STK3: variants seen among roughly 807,000 people sequenced by gnomAD.
The protein encoded by STK3 is serine/threonine kinase 3.
In STK3, 41 loss-of-function variants were observed where a neutral mutation model predicts 58.0. The observed-to-expected ratio is 0.71, with a 90% CI of 0.55 to 0.92. STK3 has a LOEUF of 0.92. STK3 is among the 40% of genes least tolerant of loss of function. The probability of loss-of-function intolerance (pLI) is 0.00; values close to 1 mark genes in which losing one functional copy is unlikely to be tolerated. For missense variants in STK3, 479 were observed against 602.7 expected, an observed-to-expected ratio of 0.79 and a Z score of 2.15; for synonymous variants, 170 against 191.0, an observed-to-expected ratio of 0.89 and a Z score of 0.91.
upstream of STK3, among the ~76,000 whole-genome samples, chr8:98,390,648 C>T (rs1277407514): frequency 6.6e-6 from 1 of 151,666 alleles, no homozygotes; most frequent in African/African-American, 2.4e-5. Flanking sequence ...TGCACTTTGT[C>T]TCCTTCCTTT....
chr8:98,861,912 G>C (rs1219665361), intron 3 of STK3, among the ~76,000 whole-genome samples: 3 of 152,172 alleles, frequency 2.0e-5, no homozygotes, highest in African/African-American at 7.2e-5. Context: ...TGAAGTCCCA[G>C]TTTCCTCATC....
chr8:98,595,491 G>C (rs1319449693), intron 7 of STK3: 1 of 151,806 alleles, frequency 6.6e-6, no homozygotes, highest in East Asian at 1.9e-4. Context: ...TTCTGTTGGG[G>C]AAATTAAGAT....
At chr8:98,488,882 G>A (rs1822483328) in intron 10 of STK3, among the ~76,000 whole-genome samples, 1 of 152,144 alleles carries the variant, frequency 6.6e-6, no homozygotes, top group Non-Finnish European at 1.5e-5. Context: ...GCAACTACAT[G>A]TAGCCCTATG....
At chr8:98,715,924 C>T (rs574614848) in intron 4 of STK3, among the ~76,000 whole-genome samples, 40 of 152,190 alleles carry the variant, frequency 2.6e-4, no homozygotes, top group Admixed American at 1.3e-3. Flanking sequence ...AAATGTGGCG[C>T]ATATACACCA....
At chr8:98,799,261 A>G (rs1483667477) in intron 1 of STK3, among the ~76,000 whole-genome samples, 1 of 152,104 alleles carries the variant, frequency 6.6e-6, no homozygotes, top group Non-Finnish European at 1.5e-5. Context: ...ACCCAAAGTG[A>G]CGGCAGTCTT....
intron 4 of STK3, among the ~76,000 whole-genome samples, chr8:98,711,573 A>C (rs1231782084): frequency 1.3e-5 from 2 of 152,316 alleles, no homozygotes; most frequent in East Asian, 3.9e-4. Context: ...GTGAGAAGAG[A>C]AGTTTAGAGA....
At chr8:98,484,082 C>CTTAAAGACTTAATACTAAGTCTTTAAGTA (rs60867682) in intron 10 of STK3, among the ~76,000 whole-genome samples, 51,384 of 141,298 alleles carry the variant, frequency 0.36, 9,948 homozygotes, top group Admixed American at 0.49. Flanking sequence ...GCCACCATGA[C>CTTAAAGACTTAATACTAAGTCTTTAAGTA]TTAAAGACTT....
At position 98,689,234 on chromosome 8, in the gene STK3, C is replaced by A. The variant is rs575950201; in HGVS notation, c.684+17233G>T. Among the ~76,000 whole-genome samples the A allele has an allele frequency of 7.1e-4, 108 of 152,118 alleles. 1 individual carries two copies. The highest frequency in any genetic ancestry group is 2.6e-3 in the African/African-American group (107 of 41,514). On this transcript the variant is annotated intron_variant, in intron 6 of 10. Coordinates refer to ENST00000419617, the MANE Select transcript of STK3 (RefSeq NM_006281.4). ...GAAACAGAAATCCTGAACAGACCAACAAGTAACAAGATTCAATCAGAAATT... is the reference window on the plus strand; with the variant it reads ...GAAACAGAAATCCTGAACAGACCAAAAAGTAACAAGATTCAATCAGAAATT...
At chr8:98,574,989 C>T (rs1479463195) in intron 8 of STK3, among the ~76,000 whole-genome samples, 1 of 151,858 alleles carries the variant, frequency 6.6e-6, no homozygotes, top group African/African-American at 2.4e-5. Context: ...AATTTTATGC[C>T]TGACCCACCA....
At chr8:98,546,793 A>T (rs1810733422) in intron 9 of STK3, among the ~76,000 whole-genome samples, 1 of 152,146 alleles carries the variant, frequency 6.6e-6, no homozygotes, top group Non-Finnish European at 1.5e-5. Flanking sequence ...CAATGGCAGG[A>T]GATAGAAAAT....
intron 3 of STK3, chr8:98,412,942 TC>T: frequency 3.7e-6 from 1 of 270,482 alleles, no homozygotes; most frequent in Non-Finnish European, 7.1e-6. Flanking sequence ...ACTTTCACCA[TC>T]AGGCACTGGA....
intron 10 of STK3, among the ~76,000 whole-genome samples, chr8:98,481,121 T>A (rs1821816650): frequency 6.6e-6 from 1 of 152,066 alleles, no homozygotes; most frequent in African/African-American, 2.4e-5. Flanking sequence ...AAAAGTCACA[T>A]GATTCTGGTA....
chr8:98,537,066 A>T (rs1311347026), intron 9 of STK3, among the ~76,000 whole-genome samples: 1 of 152,220 alleles, frequency 6.6e-6, no homozygotes, highest in Non-Finnish European at 1.5e-5. Flanking sequence ...CAGAGTTAAC[A>T]AAAGTTTTAA....
chr8:98,940,570 G>A (rs998345765), intron 1 of STK3, among the ~76,000 whole-genome samples: 6 of 152,074 alleles, frequency 3.9e-5, no homozygotes, highest in African/African-American at 1.4e-4. Flanking sequence ...CTGCAGTGAG[G>A]AACGACCCTC....
intron 10 of STK3, among the ~76,000 whole-genome samples, chr8:98,498,446 T>C (rs1366243144): frequency 2.6e-5 from 4 of 152,182 alleles, no homozygotes; most frequent in Non-Finnish European, 5.9e-5. Flanking sequence ...ACTCCCACTG[T>C]GGTAGATCCT....
intron 3 of STK3, among the ~76,000 whole-genome samples, chr8:98,418,054 T>A (rs1818133439): frequency 6.6e-6 from 1 of 152,104 alleles, no homozygotes; most frequent in South Asian, 2.1e-4. Context: ...GTACTAAAGG[T>A]GTGTACCACC....
At chr8:98,493,377 C>G (rs936675988) in intron 10 of STK3, among the ~76,000 whole-genome samples, 1 of 152,114 alleles carries the variant, frequency 6.6e-6, no homozygotes, top group Admixed American at 6.5e-5. Flanking sequence ...CTACTTCTTC[C>G]CTCCTTGATT....
intron 1 of STK3, among the ~76,000 whole-genome samples, chr8:98,804,194 G>A (rs1447991596): frequency 6.6e-6 from 1 of 151,924 alleles, no homozygotes; most frequent in East Asian, 1.9e-4. Flanking sequence ...TAGAGATGGG[G>A]TTTCAACATT....
intron 10 of STK3, among the ~76,000 whole-genome samples, chr8:98,525,727 A>G (rs1387309973): frequency 6.6e-6 from 1 of 152,078 alleles, no homozygotes; most frequent in East Asian, 1.9e-4. Flanking sequence ...TTAGTACTAA[A>G]TTTATTGGGG....
Sources: allele counts gnomAD v4.1 joint callset (sites outside exome capture counted in the v4.1 genomes callset), GRCh38; gene constraint gnomAD v4.1.1; transcripts MANE v1.5; gene names NCBI Gene and HGNC (gene_info 2026-07-23, HGNC 2026-07-21).